RGPD2: variants seen among roughly 807,000 people sequenced by gnomAD.
RGPD2 encodes the protein RANBP2-like and GRIP domain-containing protein 2.
RGPD2 carries 2 observed loss-of-function variants against 36.0 expected under a neutral mutation model. The ratio of observed to expected loss-of-function variants is 0.06; its 90% CI spans 0.02 to 0.17. RGPD2 has a LOEUF of 0.17. Ranked by LOEUF, RGPD2 falls within the 10% of genes least tolerant of loss-of-function variation. The pLI is 1.00. For synonymous variants in RGPD2, 19 were observed against 163.8 expected (o/e 0.12, Z 6.75); for missense variants, 40 against 464.3 (o/e 0.09, Z 8.40).
chr2:87,871,865 C>CA, the RGPD2 span, among the ~76,000 whole-genome samples: 128,683 of 133,132 alleles, frequency 0.97, 62,136 homozygotes, highest in South Asian at 0.98. Flanking sequence ...AACTCTGTCT[C>CA]AAAAAAAAAA....
chr2:87,852,707 A>T, the RGPD2 span, among the ~76,000 whole-genome samples: 1 of 152,270 alleles, frequency 6.6e-6, no homozygotes, highest in Non-Finnish European at 1.5e-5. Context: ...ACTGCGCAGA[A>T]TGTTCTTCTA....
the RGPD2 span, among the ~76,000 whole-genome samples, chr2:87,882,246 AGTT>A: frequency 0.18 from 26,984 of 149,006 alleles, 960 homozygotes; most frequent in Non-Finnish European, 0.22. Context: ...CTTATCTTTA[AGTT>A]GTTGTTCTAT....
At chr2:87,876,078 G>A in the RGPD2 span, among the ~76,000 whole-genome samples, 1 of 151,238 alleles carries the variant, frequency 6.6e-6, no homozygotes, top group Non-Finnish European at 1.5e-5. Context: ...TTCTGATTGT[G>A]TATATTTGAT....
chr2:87,861,344 ATTTCT>A, the RGPD2 span, among the ~76,000 whole-genome samples: 4 of 152,084 alleles, frequency 2.6e-5, no homozygotes, highest in East Asian at 5.8e-4. Context: ...TTCTTTCTAG[ATTTCT>A]TTTCTTTTAA....
chr2:87,841,234 G>A, the RGPD2 span, among the ~76,000 whole-genome samples: 4,797 of 146,000 alleles, frequency 0.033, no homozygotes, highest in East Asian at 0.055. Flanking sequence ...CTTCTCTCTT[G>A]CTCCTGCTCT....
chr2:87,815,170 T>C (rs1372963171), intron 4 of RGPD2, among the ~76,000 whole-genome samples: 1 of 147,588 alleles, frequency 6.8e-6, no homozygotes, highest in Non-Finnish European at 1.5e-5. Flanking sequence ...ATTGTACCAA[T>C]GTCAAAATTC....
chr2:87,915,164 A>G, the RGPD2 span, among the ~76,000 whole-genome samples: 1 of 151,434 alleles, frequency 6.6e-6, no homozygotes, highest in African/African-American at 2.4e-5. Flanking sequence ...AATAAAATAA[A>G]CTAAATAAAA....
chr2:87,966,647 G>T, the RGPD2 span, among the ~76,000 whole-genome samples: 2 of 152,334 alleles, frequency 1.3e-5, no homozygotes, highest in African/African-American at 4.8e-5. Context: ...CCTAGAACTG[G>T]CCAAGCACAG....
chr2:87,883,657 G>A, the RGPD2 span, among the ~76,000 whole-genome samples: 10 of 151,720 alleles, frequency 6.6e-5, no homozygotes, highest in Non-Finnish European at 1.5e-5. Context: ...AAGAGATCAG[G>A]GTAGCTATAT....
the RGPD2 span, among the ~76,000 whole-genome samples, chr2:87,864,522 G>T: frequency 1.3e-5 from 2 of 152,372 alleles, no homozygotes; most frequent in Admixed American, 1.3e-4. Flanking sequence ...CAACCTCTGT[G>T]ATTGTGTAAG....
chr2:87,957,536 T>C, the RGPD2 span, among the ~76,000 whole-genome samples: 2 of 151,552 alleles, frequency 1.3e-5, no homozygotes, highest in Admixed American at 1.3e-4. Flanking sequence ...TACCTTCGTA[T>C]AATGGATGTG....
At chr2:87,833,006 T>TA in the RGPD2 span, among the ~76,000 whole-genome samples, 1 of 151,580 alleles carries the variant, frequency 6.6e-6, no homozygotes, top group Non-Finnish European at 1.5e-5. Context: ...CAGAAAATGA[T>TA]ATGTACATGA....
At chr2:87,960,147 T>C in the RGPD2 span, among the ~76,000 whole-genome samples, 9 of 151,736 alleles carry the variant, frequency 5.9e-5, no homozygotes, top group Non-Finnish European at 1.0e-4. Context: ...TGTTTTTATG[T>C]TTCTATTTTT....
the RGPD2 span, among the ~76,000 whole-genome samples, chr2:87,916,103 A>T: frequency 1.3e-5 from 2 of 152,224 alleles, no homozygotes; most frequent in East Asian, 3.9e-4. Context: ...AAACTGTCTC[A>T]GTTTATTACT....
At chr2:87,977,538 G>A in the RGPD2 span, among the ~76,000 whole-genome samples, 2 of 150,900 alleles carry the variant, frequency 1.3e-5, no homozygotes, top group South Asian at 2.1e-4. Flanking sequence ...ACAAGGCCAG[G>A]CGTGGTGGCT....
chr2:87,883,953 G>A, the RGPD2 span, among the ~76,000 whole-genome samples: 2 of 150,678 alleles, frequency 1.3e-5, no homozygotes, highest in South Asian at 2.1e-4. Flanking sequence ...TGGACCTAAC[G>A]GATATATACA....
At chr2:87,882,551 T>A in the RGPD2 span, among the ~76,000 whole-genome samples, 2 of 152,234 alleles carry the variant, frequency 1.3e-5, no homozygotes, top group Non-Finnish European at 2.9e-5. Context: ...GCTTTGTCCT[T>A]TTTGGTCAAG....
the RGPD2 span, among the ~76,000 whole-genome samples, chr2:87,913,341 A>G: frequency 6.6e-6 from 1 of 151,730 alleles, no homozygotes; most frequent in Non-Finnish European, 1.5e-5. Context: ...GGAACTGAAC[A>G]ATGAGAACAC....
intron 18 of RGPD2, among the ~76,000 whole-genome samples, chr2:87,785,408 A>G (rs1273186841): frequency 3.0e-5 from 3 of 100,560 alleles, no homozygotes; most frequent in African/African-American, 7.2e-5. Context: ...ATCAACAAGA[A>G]CTACCTCACA....
Sources: allele counts gnomAD v4.1 joint callset (sites outside exome capture counted in the v4.1 genomes callset), GRCh38; gene constraint gnomAD v4.1.1; transcripts MANE v1.5; gene names NCBI Gene and HGNC (gene_info 2026-07-23, HGNC 2026-07-21).